Variants in HSPA12A observed in about 807,000 individuals in gnomAD.
HSPA12A encodes the protein heat shock 70 kDa protein 12A.
In HSPA12A, 28 loss-of-function variants were observed where a neutral mutation model predicts 69.2. That is an observed-to-expected ratio of 0.40 (90% CI 0.30 to 0.55). The LOEUF (loss-of-function observed/expected upper bound fraction) is 0.55, where lower values mean the gene tolerates loss of function less well. HSPA12A is among the 20% of genes least tolerant of loss of function. The pLI is 0.38. For synonymous variants in HSPA12A, 345 were observed against 370.5 expected, an observed-to-expected ratio of 0.93 and a Z score of 0.79; for missense variants, 686 against 900.7, an observed-to-expected ratio of 0.76 and a Z score of 3.05.
chr10:116,704,379 A>C (rs1564787305), intron 3 of HSPA12A, among the ~76,000 whole-genome samples: 1 of 152,012 alleles, frequency 6.6e-6, no homozygotes, highest in Non-Finnish European at 1.5e-5. Context: ...CAAACACCGC[A>C]TGTTCTCACT....
chr10:116,822,034 TGTTCGCTAAGGC>T (rs1194246820), intron 2 of HSPA12A, among the ~76,000 whole-genome samples: 1 of 152,248 alleles, frequency 6.6e-6, no homozygotes, highest in African/African-American at 2.4e-5. Context: ...TATCTTTTGG[TGTTCGCTAAGGC>T]ATTTACATCA....
At chr10:116,705,029 G>A (rs1850198368) in intron 3 of HSPA12A, 122 bp downstream of exon 3, 8 of 1,229,938 alleles carry the variant, frequency 6.5e-6, no homozygotes, top group East Asian at 2.5e-5. Flanking sequence ...GTGAGCTTGA[G>A]CCAAGCTGGA....
chr10:116,766,055 C>A (rs1844070551), intron 2 of HSPA12A, among the ~76,000 whole-genome samples: 1 of 152,210 alleles, frequency 6.6e-6, no homozygotes, highest in Non-Finnish European at 1.5e-5. Context: ...TCCCTCTCAC[C>A]ATTCGGCCAC....
chr10:116,764,245 G>T (rs192651693), intron 2 of HSPA12A, among the ~76,000 whole-genome samples: 8 of 152,252 alleles, frequency 5.3e-5, no homozygotes, highest in Admixed American at 1.3e-4. Flanking sequence ...CCATATCTAG[G>T]AATCTACCTA....
chr10:116,716,977 A>T (rs995972421), intron 1 of HSPA12A, among the ~76,000 whole-genome samples: 3 of 152,164 alleles, frequency 2.0e-5, no homozygotes, highest in Non-Finnish European at 4.4e-5. Flanking sequence ...TCAAACTCAA[A>T]TTATTAATTC....
intron 5 of HSPA12A, among the ~76,000 whole-genome samples, chr10:116,694,396 T>C (rs1174421133): frequency 6.6e-6 from 1 of 152,154 alleles, no homozygotes; most frequent in Non-Finnish European, 1.5e-5. Flanking sequence ...CTCCTGGAAT[T>C]TATTCACGGC....
chr10:116,675,298 A>G lies in HSPA12A; in HGVS notation c.1511T>C (p.Ile504Thr). 6.2e-7 allele frequency: 1 copy of G among 1,613,430 alleles called. No homozygotes were observed. Among genetic ancestry groups the G allele is most frequent in the Non-Finnish European group, 8.5e-7 (1 of 1,180,028 alleles). Reference protein sequence around the residue: ...VQAAFGDQCRIIIPQDVGLTI... With the variant: ...VQAAFGDQCRTIIPQDVGLTI... ...GAGGCCCACGTCCTGGGGGATGATGATCCGGCACTGGTCCCCAAAAGCAGC... is the reference window on the plus strand; with the variant it reads ...GAGGCCCACGTCCTGGGGGATGATGGTCCGGCACTGGTCCCCAAAAGCAGC... The change falls in exon 12 of 12, where the codon ATC (isoleucine) becomes ACC (threonine). Residue 504 changes from isoleucine (I) to threonine (T), a missense_variant. Coordinates refer to ENST00000369209, the MANE Select transcript of HSPA12A (RefSeq NM_025015.3). This position sits in a 1 kb window ranked among gnomAD's most constrained non-coding sequence, Gnocchi z 5.2.
At chr10:116,740,961 TAAAAAAAA>T (rs5788190) in intron 1 of HSPA12A, among the ~76,000 whole-genome samples, 6 of 84,708 alleles carry the variant, frequency 7.1e-5, no homozygotes, top group African/African-American at 2.8e-4. Context: ...AGGAAAAAAG[TAAAAAAAA>T]AAAAAAAAAA....
intron 2 of HSPA12A, chr10:116,830,906 TA>T (rs1845602303): frequency 7.4e-6 from 1 of 135,206 alleles, no homozygotes; most frequent in Non-Finnish European, 1.5e-5. Context: ...CATATATACA[TA>T]TATATGGTCT....
At chr10:116,849,270 C>T (rs1483034870) in intron 1 of HSPA12A, among the ~76,000 whole-genome samples, 1 of 152,224 alleles carries the variant, frequency 6.6e-6, no homozygotes, top group African/African-American at 2.4e-5. Flanking sequence ...TAAAGATTTC[C>T]CCCTCTGGAA....
intron 2 of HSPA12A, among the ~76,000 whole-genome samples, chr10:116,815,276 TAGAC>T (rs1386230326): frequency 7.4e-5 from 7 of 94,790 alleles, no homozygotes; most frequent in East Asian, 2.9e-4. Context: ...AAAAAAAAAA[TAGAC>T]AGAGGGCCAG....
intron 2 of HSPA12A, among the ~76,000 whole-genome samples, chr10:116,803,039 G>A (rs746974836): frequency 8.3e-6 from 1 of 120,406 alleles, no homozygotes; most frequent in African/African-American, 2.8e-5. Flanking sequence ...CATGTTTGGA[G>A]TAAGCCACCG....
chr10:116,736,472 A>G (rs929521861), intron 1 of HSPA12A, among the ~76,000 whole-genome samples: 4 of 152,336 alleles, frequency 2.6e-5, no homozygotes, highest in East Asian at 1.9e-4. Flanking sequence ...TGACTATGTT[A>G]TCTCCTATGG....
At chr10:116,736,246 T>C (rs1379862829) in intron 1 of HSPA12A, among the ~76,000 whole-genome samples, 2 of 152,112 alleles carry the variant, frequency 1.3e-5, no homozygotes, top group African/African-American at 4.8e-5. Context: ...TGAGATTGAA[T>C]AGAAGTCAAG....
intron 2 of HSPA12A, among the ~76,000 whole-genome samples, chr10:116,783,216 C>A (rs943115137): frequency 6.6e-6 from 1 of 152,216 alleles, no homozygotes. Flanking sequence ...TCTTTCCACA[C>A]CATCGACGTG....
intron 1 of HSPA12A, among the ~76,000 whole-genome samples, chr10:116,741,198 CACCTCCCTGATCCGCAGGA>C (rs1219595767): frequency 6.6e-6 from 1 of 152,152 alleles, no homozygotes; most frequent in Non-Finnish European, 1.5e-5. Flanking sequence ...CGTGGGGAGG[CACCTCCCTGATCCGCAGGA>C]ACAATGGGCT....
chr10:116,828,249 A>T (rs1373172264), intron 2 of HSPA12A, among the ~76,000 whole-genome samples: 3 of 152,244 alleles, frequency 2.0e-5, no homozygotes, highest in Non-Finnish European at 4.4e-5. Context: ...TCAAACAAGC[A>T]GGAAATCTTC....
chr10:116,766,863 G>T (rs1315594582), intron 2 of HSPA12A, among the ~76,000 whole-genome samples: 3 of 152,166 alleles, frequency 2.0e-5, no homozygotes, highest in Non-Finnish European at 4.4e-5. Context: ...AACTTAAAAA[G>T]AAAAAGCTCA....
chr10:116,798,717 C>A (rs1238730721), intron 2 of HSPA12A, among the ~76,000 whole-genome samples: 2 of 152,062 alleles, frequency 1.3e-5, no homozygotes, highest in Non-Finnish European at 1.5e-5. Flanking sequence ...GAACTGAAAA[C>A]CCAACTGAAT....
Sources: allele counts gnomAD v4.1 joint callset (sites outside exome capture counted in the v4.1 genomes callset), GRCh38; gene constraint gnomAD v4.1.1; non-coding constraint Gnocchi (gnomAD v3.1); transcripts MANE v1.5; gene names NCBI Gene and HGNC (gene_info 2026-07-23, HGNC 2026-07-21).